Variants in PLCD4 observed in about 807,000 individuals in gnomAD.
PLCD4 encodes 1-phosphatidylinositol 4,5-bisphosphate phosphodiesterase delta-4.
Under a neutral mutation model 90.2 loss-of-function variants are expected in PLCD4, and 63 were observed. That is an observed-to-expected ratio of 0.70 (90% CI 0.57 to 0.86). The LOEUF (loss-of-function observed/expected upper bound fraction) is 0.86. Ranked by LOEUF, PLCD4 falls within the 40% of genes least tolerant of loss-of-function variation. The pLI is 0.00. For missense variants in PLCD4, 830 were observed against 956.3 expected, an observed-to-expected ratio of 0.87 and a Z score of 1.74; for synonymous variants, 294 against 356.5, an observed-to-expected ratio of 0.82 and a Z score of 1.97.
chr2:218,629,512 C>A lies in PLCD4; in HGVS notation c.975-7C>A. 6.2e-7 allele frequency: 1 copy of A among 1,608,560 alleles called. No individual in the cohort carries two copies. Among genetic ancestry groups the A allele is most frequent in the Non-Finnish European group, 8.5e-7 (1 of 1,177,706 alleles). ...CCTATTTCTCGGTGGGGATGGGGTT[C>A]TTTCAGGGCCCTGAAGCGGGGGTGC... is the stretch of plus-strand genomic sequence containing the variant. On this transcript the variant is annotated splice_polypyrimidine_tract_variant and splice_region_variant and intron_variant, in intron 7 of 15. Transcript: ENST00000450993.
In PLCD4 at chr2:218,612,691, G is replaced by A. The variant is rs146643859; in HGVS notation, c.-33-3016G>A. On this transcript the variant is annotated intron_variant, in intron 1 of 15. Transcript: ENST00000450993. ...GGAGGCTGAGGCAGGAGAATTGCTTGAACCTTGGAGGCAGAGGTTGCAGTG... is the reference window on the plus strand; with the variant it reads ...GGAGGCTGAGGCAGGAGAATTGCTTAAACCTTGGAGGCAGAGGTTGCAGTG... Among the ~76,000 whole-genome samples the A allele has an allele frequency of 1.4e-3, 208 of 152,294 alleles. 1 individual carries two copies. Among genetic ancestry groups the A allele is most frequent in the African/African-American group, 5.0e-3 (206 of 41,562 alleles).
At chr2:218,611,632 T>C (rs1695336183) in intron 1 of PLCD4, among the ~76,000 whole-genome samples, 1 of 152,172 alleles carries the variant, frequency 6.6e-6, no homozygotes, top group African/African-American at 2.4e-5. Context: ...AGAGTCTCAC[T>C]CCGTCACCCA....
Position 218,634,171 on chromosome 2 carries a change from A to C in PLCD4, c.1673A>C (p.Asp558Ala). ...SRVYPSGLRTDSSNYNPQELW... is the reference protein window; with the variant it reads ...SRVYPSGLRTASSNYNPQELW... ...GTGTATCCCAGCGGCCTGAGGACAGACTCTTCCAACTACAACCCCCAGGAA... is the reference window on the plus strand; with the variant it reads ...GTGTATCCCAGCGGCCTGAGGACAGCCTCTTCCAACTACAACCCCCAGGAA... The change falls in exon 12 of 16, where the codon GAC (aspartate) becomes GCC (alanine). Residue 558 changes from aspartate (D) to alanine (A), a missense_variant. Coordinates refer to ENST00000450993, the MANE Select transcript of PLCD4 (RefSeq NM_032726.4). The surrounding 1 kb of genome is among the most constrained non-coding windows in gnomAD (Gnocchi z 4.0). The C allele has an allele frequency of 6.2e-7, 1 of 1,612,408 alleles. No homozygotes were observed.
At chr2:218,619,484 G>A (rs989317467) in intron 4 of PLCD4, among the ~76,000 whole-genome samples, 11 of 151,858 alleles carry the variant, frequency 7.2e-5, no homozygotes, top group African/African-American at 2.2e-4. Context: ...TTGAAGAGAC[G>A]GGGTTTCACC....
Position 218,629,549 on chromosome 2 carries a change from G to A in PLCD4, c.1005G>A (p.Glu335=). 1 of 1,613,772 alleles carries A rather than the reference G, an allele frequency of 6.2e-7. No individual in the cohort carries two copies. Among genetic ancestry groups the A allele is most frequent in the South Asian group, 1.1e-5 (1 of 91,046 alleles). Residue 335 remains glutamate (E), a synonymous_variant, in exon 8 of 16, where the codon GAG becomes GAA. Coordinates refer to ENST00000450993, the MANE Select transcript of PLCD4 (RefSeq NM_032726.4). ...RALKRGCRCV[E]VDVWDGPSGE... ...TGAAGCGGGGGTGCCGCTGCGTGGA[G>A]GTGGATGTATGGGATGGACCTAGCG...
intron 3 of PLCD4, among the ~76,000 whole-genome samples, chr2:218,616,756 T>TACATACATA (rs1553571846): frequency 3.2e-4 from 47 of 148,700 alleles, no homozygotes; most frequent in Non-Finnish European, 5.1e-4. Context: ...CATACATACA[T>TACATACATA]CAAGCTTCAG....
intron 6 of PLCD4, among the ~76,000 whole-genome samples, chr2:218,625,956 A>C (rs369913548): frequency 1.1e-4 from 17 of 152,082 alleles, no homozygotes; most frequent in South Asian, 2.1e-4. Context: ...ACCAACCAAC[A>C]AACAAACAAA....
chr2:218,608,523 G>A (rs1488445036), intron 1 of PLCD4, among the ~76,000 whole-genome samples: 1 of 152,194 alleles, frequency 6.6e-6, no homozygotes. Context: ...TAAAGAACTT[G>A]TTCTTTGCCT....
intron 3 of PLCD4, among the ~76,000 whole-genome samples, chr2:218,617,088 C>T (rs1695650457): frequency 7.0e-6 from 1 of 143,382 alleles, no homozygotes; most frequent in Non-Finnish European, 1.5e-5. Flanking sequence ...CCTCAGCCTT[C>T]TGAGTGGCTG....
At chr2:218,621,621 T>G in intron 5 of PLCD4, 22 bp downstream of exon 5, 2 of 1,613,216 alleles carry the variant, frequency 1.2e-6, no homozygotes, top group Non-Finnish European at 1.7e-6. Flanking sequence ...GGGAAGGATT[T>G]CCAGCGGCCA....
chr2:218,622,916 G>A, intron 6 of PLCD4, 38 bp downstream of exon 6: 1 of 1,550,460 alleles, frequency 6.4e-7, no homozygotes, highest in Non-Finnish European at 8.8e-7. Flanking sequence ...AGACATAGGG[G>A]TTGGAGAGAG....
intron 6 of PLCD4, among the ~76,000 whole-genome samples, chr2:218,627,667 C>T (rs1197575090): frequency 2.0e-5 from 3 of 151,860 alleles, no homozygotes; most frequent in Admixed American, 2.0e-4. Context: ...CGCCCACCAC[C>T]GTGCCCGGCT....
At position 218,635,801 on chromosome 2, in the gene PLCD4, C is replaced by T. The variant is rs1026660483; in HGVS notation, c.1902C>T (p.Ile634=). ...TTCCAGAGCCCTGACTACAGGTGAT[C>T]AGCGGTCAGCAACTCCCCAAAGTGG... The part of the protein sequence containing the change: ...FKAQTLLIQV[I]SGQQLPKVDK... The change falls in exon 14 of 16, where the codon ATC becomes ATT. Residue 634 remains isoleucine, a synonymous_variant. Transcript: ENST00000450993. The T allele has an allele frequency of 3.1e-6, 5 of 1,611,932 alleles. No individual in the cohort carries two copies. The highest frequency in any genetic ancestry group is 1.7e-5 in the Admixed American group (1 of 59,656).
At chr2:218,621,693 T>A in intron 5 of PLCD4, 94 bp downstream of exon 5, 1 of 1,485,492 alleles carries the variant, frequency 6.7e-7, no homozygotes, top group Non-Finnish European at 9.3e-7. Flanking sequence ...ACTCAATTGT[T>A]AAATCTCTGC....
intron 15 of PLCD4, 35 bp downstream of exon 15, chr2:218,636,427 C>T: frequency 6.2e-7 from 1 of 1,614,012 alleles, no homozygotes; most frequent in African/African-American, 1.3e-5. Flanking sequence ...GCCAATACCC[C>T]AGCTCTGGCT....
chr2:218,618,675 T>A lies in PLCD4; in HGVS notation c.278T>A (p.Ile93Asn), dbSNP rs748949666. 6.2e-7 allele frequency: 1 copy of A among 1,613,976 alleles called. No individual in the cohort carries two copies. Among genetic ancestry groups the A allele is most frequent in the South Asian group, 1.1e-5 (1 of 91,086 alleles). ...EELPLEQGFT[I>N]VFHGRRSNLD... Reference sequence around the variant, plus strand: ...CTCCCCCTGGAGCAGGGCTTCACCATTGTCTTCCATGGCCGCCGCTCCAAC... The same window carrying A: ...CTCCCCCTGGAGCAGGGCTTCACCAATGTCTTCCATGGCCGCCGCTCCAAC... Residue 93 changes from isoleucine (I) to asparagine (N), a missense_variant, in exon 4 of 16, where the codon ATT becomes AAT. Transcript: ENST00000450993.
intron 13 of PLCD4, among the ~76,000 whole-genome samples, chr2:218,635,201 G>C (rs1283968885): frequency 2.0e-5 from 3 of 152,020 alleles, no homozygotes; most frequent in African/African-American, 4.8e-5. Context: ...CCAGGAGATG[G>C]AGGTTGCAGT....
chr2:218,636,645 C>G lies in PLCD4; in HGVS notation c.*68C>G, dbSNP rs1423998784. 9 of 1,482,510 alleles carry G rather than the reference C, an allele frequency of 6.1e-6. No individual in the cohort carries two copies. The highest frequency in any genetic ancestry group is 1.4e-5 in the African/African-American group (1 of 72,024). 91.8% of individuals were successfully genotyped at this position (1,482,510 alleles called of 1,614,324 possible). A position where few individuals can be genotyped will look rare whatever the true frequency, so the allele number is the denominator to read the frequency against. ...GGGGAGAAACATCTGGAAGGATGCT[C>G]GAGAGAACAAATGGAGGTGGTGAAA... On this transcript the variant is annotated 3_prime_UTR_variant, in exon 16 of 16. Coordinates refer to ENST00000450993, the MANE Select transcript of PLCD4 (RefSeq NM_032726.4).
intron 9 of PLCD4, 52 bp from the exon 10 acceptor site, chr2:218,632,084 G>A: frequency 6.6e-7 from 1 of 1,512,082 alleles, no homozygotes. Flanking sequence ...ATGATTCCCA[G>A]AAGGACCCAA....
Sources: allele counts gnomAD v4.1 joint callset (sites outside exome capture counted in the v4.1 genomes callset), GRCh38; gene constraint gnomAD v4.1.1; non-coding constraint Gnocchi (gnomAD v3.1); transcripts MANE v1.5; gene names NCBI Gene and HGNC (gene_info 2026-07-23, HGNC 2026-07-21).